RSRC1: variants seen among roughly 807,000 people sequenced by gnomAD.
RSRC1 encodes arginine and serine rich coiled-coil 1.
In RSRC1, 39 loss-of-function variants were observed where a neutral mutation model predicts 49.1. That is an observed-to-expected ratio of 0.79 (90% CI 0.61 to 1.04). The LOEUF (loss-of-function observed/expected upper bound fraction) is 1.04. Among genes scored for constraint, RSRC1 ranks in the 50% least tolerant of loss-of-function variants. The pLI is 0.00. For synonymous variants in RSRC1, 143 were observed against 130.8 expected, an observed-to-expected ratio of 1.09 and a Z score of -0.63; for missense variants, 388 against 402.4, an observed-to-expected ratio of 0.96 and a Z score of 0.31.
chr3:158,335,212 G>A (rs955584178), intron 5 of RSRC1, among the ~76,000 whole-genome samples: 3 of 152,172 alleles, frequency 2.0e-5, no homozygotes, highest in African/African-American at 7.2e-5. Flanking sequence ...TGTAGATTGT[G>A]AAGCAGACCA....
intron 7 of RSRC1, among the ~76,000 whole-genome samples, chr3:158,489,382 C>G (rs1560063144): frequency 6.6e-6 from 1 of 152,206 alleles, no homozygotes; most frequent in Non-Finnish European, 1.5e-5. Context: ...ATTAGGCTGG[C>G]TCAACCACCT....
At chr3:158,324,859 G>A (rs1034110739) in intron 5 of RSRC1, among the ~76,000 whole-genome samples, 9 of 152,160 alleles carry the variant, frequency 5.9e-5, no homozygotes, top group Admixed American at 2.6e-4. Flanking sequence ...CAGTGTAAAA[G>A]TGTTCCTATT....
chr3:158,538,066 A>T (rs1712816471), intron 8 of RSRC1, among the ~76,000 whole-genome samples: 1 of 151,812 alleles, frequency 6.6e-6, no homozygotes, highest in African/African-American at 2.4e-5. Context: ...TCCACCCAAA[A>T]GTTCAAAGAG....
At chr3:158,396,623 A>G (rs1733625815) in intron 6 of RSRC1, among the ~76,000 whole-genome samples, 2 of 152,090 alleles carry the variant, frequency 1.3e-5, no homozygotes, top group South Asian at 2.1e-4. Flanking sequence ...CCATACTATA[A>G]TGGCAAGACA....
chr3:158,223,166 C>A (rs570058677), intron 4 of RSRC1, among the ~76,000 whole-genome samples: 1 of 151,566 alleles, frequency 6.6e-6, no homozygotes, highest in Non-Finnish European at 1.5e-5. Context: ...TCCTCGTATG[C>A]CCTTCGTCTT....
intron 3 of RSRC1, among the ~76,000 whole-genome samples, chr3:158,141,213 C>T (rs756947549): frequency 3.1e-4 from 47 of 152,138 alleles, no homozygotes; most frequent in Non-Finnish European, 2.1e-4. Flanking sequence ...GCTTCTATTC[C>T]ATGCTTTATC....
chr3:158,287,927 T>G (rs1726673752), intron 4 of RSRC1, among the ~76,000 whole-genome samples: 1 of 152,224 alleles, frequency 6.6e-6, no homozygotes, highest in Non-Finnish European at 1.5e-5. Flanking sequence ...ATGGCAACTT[T>G]GTGCATATTA....
At chr3:158,518,364 G>A (rs967208470) in intron 7 of RSRC1, among the ~76,000 whole-genome samples, 1 of 140,748 alleles carries the variant, frequency 7.1e-6, no homozygotes, top group Non-Finnish European at 1.5e-5. Flanking sequence ...TGAGTATAGT[G>A]TTTATAAAAG....
chr3:158,293,669 C>T (rs1727074405), intron 4 of RSRC1, among the ~76,000 whole-genome samples: 1 of 151,968 alleles, frequency 6.6e-6, no homozygotes, highest in South Asian at 2.1e-4. Flanking sequence ...ATCTTCTTAC[C>T]TGCATTATAT....
intron 7 of RSRC1, among the ~76,000 whole-genome samples, chr3:158,534,590 G>A (rs1277792299): frequency 6.6e-6 from 1 of 151,492 alleles, no homozygotes; most frequent in South Asian, 2.1e-4. Flanking sequence ...TGCCCAGCTA[G>A]CATGTGAAAA....
intron 7 of RSRC1, among the ~76,000 whole-genome samples, chr3:158,482,497 G>A (rs1039811956): frequency 1.4e-4 from 21 of 152,078 alleles, no homozygotes; most frequent in African/African-American, 5.1e-4. Flanking sequence ...GTTTATCTTA[G>A]ATCAAAACAA....
chr3:158,422,103 T>C (rs1578455619), intron 6 of RSRC1, among the ~76,000 whole-genome samples: 1 of 151,382 alleles, frequency 6.6e-6, no homozygotes, highest in Non-Finnish European at 1.5e-5. Context: ...ACTTTAAGTT[T>C]TAGGGTACAT....
At chr3:158,461,198 C>T (rs890845089) in intron 7 of RSRC1, among the ~76,000 whole-genome samples, 195 bp downstream of exon 7, 18 of 151,804 alleles carry the variant, frequency 1.2e-4, no homozygotes, top group Non-Finnish European at 2.1e-4. Flanking sequence ...TATAAGCATG[C>T]TATTATATAT....
chr3:158,437,173 C>T lies in RSRC1; in HGVS notation c.584-23762C>T, dbSNP rs112756856. On this transcript the variant is annotated intron_variant, in intron 6 of 9. Coordinates refer to ENST00000611884, the MANE Select transcript of RSRC1 (RefSeq NM_001271838.2). ...AGAATATACTATCCTACCAAATTCC[C>T]GGGGTAGTGTGTTATATGTAACCAG... Among the ~76,000 whole-genome samples, 15 of 150,646 alleles carry T rather than the reference C, an allele frequency of 1.0e-4. No homozygotes were observed. The East Asian group carries it at 1.6e-3, about 16-fold the overall frequency.
At chr3:158,344,696 T>A (rs1730447600) in intron 5 of RSRC1, among the ~76,000 whole-genome samples, 1 of 152,178 alleles carries the variant, frequency 6.6e-6, no homozygotes, top group African/African-American at 2.4e-5. Context: ...AAGGAAATGC[T>A]AACCACATGG....
chr3:158,334,267 T>A (rs1163697446), intron 5 of RSRC1, among the ~76,000 whole-genome samples: 2 of 152,176 alleles, frequency 1.3e-5, no homozygotes. Flanking sequence ...CCTTTTAAAG[T>A]ATAAACAACT....
At chr3:158,111,201 G>A (rs541024725) in intron 1 of RSRC1, among the ~76,000 whole-genome samples, 1 of 152,328 alleles carries the variant, frequency 6.6e-6, no homozygotes, top group South Asian at 2.1e-4. Context: ...AACCTTGGGG[G>A]AAACTAGGTA....
chr3:158,329,332 G>T (rs1001828024), intron 5 of RSRC1, among the ~76,000 whole-genome samples: 1 of 152,148 alleles, frequency 6.6e-6, no homozygotes, highest in African/African-American at 2.4e-5. Flanking sequence ...AGAATTTTCT[G>T]CTTTTCTGCT....
At chr3:158,398,982 G>T (rs1733753296) in intron 6 of RSRC1, among the ~76,000 whole-genome samples, 1 of 146,832 alleles carries the variant, frequency 6.8e-6, no homozygotes, top group South Asian at 2.1e-4. Context: ...GTTTGTATTT[G>T]TGTGTGTGTG....
Sources: allele counts gnomAD v4.1 joint callset (sites outside exome capture counted in the v4.1 genomes callset), GRCh38; gene constraint gnomAD v4.1.1; transcripts MANE v1.5; gene names NCBI Gene and HGNC (gene_info 2026-07-23, HGNC 2026-07-21).